Variants in TMEM43 observed in about 807,000 individuals in gnomAD.
TMEM43 encodes the protein transmembrane protein 43, also known as arrhythmogenic right ventricular dysplasia 5.
Under a neutral mutation model 49.6 loss-of-function variants are expected in TMEM43, and 45 were observed. That is an observed-to-expected ratio of 0.91 (90% confidence interval 0.71 to 1.16). The LOEUF is 1.16. Ranked by LOEUF, TMEM43 falls within the 50% of genes most tolerant of loss-of-function variation. The probability of loss-of-function intolerance (pLI) is 0.00; values close to 1 mark genes in which losing one functional copy is unlikely to be tolerated. For missense variants in TMEM43, 532 were observed against 516.6 expected, an observed-to-expected ratio of 1.03 and a Z score of -0.29; for synonymous variants, 199 against 207.8, an observed-to-expected ratio of 0.96 and a Z score of 0.36.
At chr3:14,133,195 G>C (rs980913166) in intron 6 of TMEM43, among the ~76,000 whole-genome samples, 4 of 152,230 alleles carry the variant, frequency 2.6e-5, no homozygotes, top group Admixed American at 2.0e-4. Flanking sequence ...CACACACGGG[G>C]CCGGGGAAGC....
At chr3:14,127,917 A>C (rs1328724892) in intron 1 of TMEM43, among the ~76,000 whole-genome samples, 1 of 152,142 alleles carries the variant, frequency 6.6e-6, no homozygotes, top group East Asian at 1.9e-4. Context: ...GCTGGGCCCC[A>C]CTTTACATCT....
chr3:14,138,194 C>T (rs957746996), intron 10 of TMEM43, among the ~76,000 whole-genome samples: 7 of 152,148 alleles, frequency 4.6e-5, no homozygotes, highest in African/African-American at 1.7e-4. Context: ...GGCATGACTG[C>T]AGGCAATCGT....
rs376098518 is a variant in TMEM43, at chr3:14,130,905, G to A, written c.246G>A (p.Pro82=). 2.9e-5 allele frequency: 47 copies of A among 1,613,404 alleles called. No homozygotes were observed. The highest frequency in any genetic ancestry group is 1.8e-4 in the Admixed American group (11 of 59,968). The part of the protein sequence containing the change: ...VSPDSIHSVA[P]ENEGRLVHII... ...CCGACAGCATCCACAGTGTGGCTCC[G>A]GAGAATGAAGGAAGGCTGGTGCACA... Residue 82 remains proline (P), a synonymous_variant, in exon 3 of 12, where the codon CCG becomes CCA. Transcript: ENST00000306077.
chr3:14,131,721 G>A (rs1258459416), intron 4 of TMEM43, 47 bp downstream of exon 4: 2 of 1,383,650 alleles, frequency 1.4e-6, no homozygotes, highest in Non-Finnish European at 2.1e-6. Flanking sequence ...GAGGAGTGAA[G>A]TGTAGGTGTC....
chr3:14,138,771 T>C (rs1200803292), intron 10 of TMEM43, among the ~76,000 whole-genome samples: 3 of 152,190 alleles, frequency 2.0e-5, no homozygotes, highest in African/African-American at 7.2e-5. Context: ...CGATGGAGCC[T>C]GAGAAGGAGG....
chr3:14,139,898 G>T (rs761244777), intron 11 of TMEM43, among the ~76,000 whole-genome samples: 20 of 152,196 alleles, frequency 1.3e-4, no homozygotes, highest in Non-Finnish European at 2.5e-4. Flanking sequence ...GGCCCAGCGT[G>T]GTTCGGGATC....
chr3:14,140,150 A>G (rs1695228576), intron 11 of TMEM43, among the ~76,000 whole-genome samples: 1 of 152,232 alleles, frequency 6.6e-6, no homozygotes, highest in Non-Finnish European at 1.5e-5. Context: ...TTGGGAAAAC[A>G]GGCCCGGGAA....
At chr3:14,131,100 C>G in intron 3 of TMEM43, 144 bp downstream of exon 3, 1 of 998,296 alleles carries the variant, frequency 1.0e-6, no homozygotes, top group Non-Finnish European at 1.5e-6. Context: ...GCTGTGTGGA[C>G]TTGTCTATCC....
At position 14,134,944 on chromosome 3, in the gene TMEM43, A is replaced by G. The variant is rs1695148219; in HGVS notation, c.705+53A>G. ...ATAGGAGGGTCAGGGCGCTAGGATC[A>G]GGTTCCTGCGCCAGGCAGATTCAGT... On this transcript the variant is annotated intron_variant, in intron 8 of 11. Coordinates refer to ENST00000306077, the MANE Select transcript of TMEM43 (RefSeq NM_024334.3). 3.1e-6 allele frequency: 5 copies of G among 1,612,074 alleles called. No individual in the cohort carries two copies. In the Admixed American group the frequency reaches 6.7e-5, roughly 22 times the overall value.
chr3:14,135,207 A>G lies in TMEM43; in HGVS notation c.755A>G (p.Asp252Gly). Residue 252 changes from aspartate (D) to glycine (G), a missense_variant, in exon 9 of 12, where the codon GAC becomes GGC. Physicochemically the swap from Asp to Gly is moderately conservative, Grantham distance 94. Transcript: ENST00000306077. ...SFSYAGLSGD[D>G]PDLGPAHVVT... ...TCCTATGCTGGACTGAGCGGCGATGACCCTGACCTGGGCCCAGCTCACGTG... is the reference window on the plus strand; with the variant it reads ...TCCTATGCTGGACTGAGCGGCGATGGCCCTGACCTGGGCCCAGCTCACGTG... 1 of 1,612,572 alleles carries G rather than the reference A, an allele frequency of 6.2e-7. No homozygotes were observed.
At chr3:14,129,389 T>C (rs769740836) in intron 1 of TMEM43, 23 bp from the exon 2 acceptor site, 8 of 1,598,744 alleles carry the variant, frequency 5.0e-6, no homozygotes, top group Non-Finnish European at 5.1e-6. Flanking sequence ...GTTTTCATTC[T>C]GTTACTGTTT....
intron 10 of TMEM43, among the ~76,000 whole-genome samples, chr3:14,136,863 T>C (rs763967113): frequency 1.3e-5 from 2 of 149,118 alleles, no homozygotes; most frequent in African/African-American, 5.0e-5. Flanking sequence ...ATGTGCTGAT[T>C]AGTTCAGTTC....
At chr3:14,141,546 T>G in intron 11 of TMEM43, 47 bp from the exon 12 acceptor site, 19 of 1,557,228 alleles carry the variant, frequency 1.2e-5, no homozygotes, top group Non-Finnish European at 1.6e-5. Flanking sequence ...GCTGAGCTGG[T>G]GAGGTGTAGA....
At position 14,141,664 on chromosome 3, in the gene TMEM43, T is replaced by C. The variant is rs1559363695; in HGVS notation, c.1072T>C (p.Ser358Pro). The change falls in exon 12 of 12, where the codon TCG (serine) becomes CCG (proline). Residue 358 changes from serine to proline, a missense_variant. Ser to Pro is a moderately conservative substitution (Grantham distance 74). Coordinates refer to ENST00000306077, the MANE Select transcript of TMEM43 (RefSeq NM_024334.3). ...LKAFAFCVAT[S>P]LTLLTVAAGW... Reference sequence around the variant, plus strand: ...AGCCTTTGCCTTCTGTGTGGCCACCTCGCTGACCCTGCTGACCGTGGCGGC... The same window carrying C: ...AGCCTTTGCCTTCTGTGTGGCCACCCCGCTGACCCTGCTGACCGTGGCGGC... 15 of 1,614,206 alleles carry C rather than the reference T, an allele frequency of 9.3e-6. No homozygotes were observed. The highest frequency in any genetic ancestry group is 1.2e-5 in the Non-Finnish European group (14 of 1,180,034).
intron 10 of TMEM43, among the ~76,000 whole-genome samples, chr3:14,136,770 C>T (rs1468828004): frequency 2.2e-5 from 3 of 136,930 alleles, no homozygotes; most frequent in Non-Finnish European, 4.4e-5. Flanking sequence ...GGGTTTTGGG[C>T]CTCAGCTACC....
intron 1 of TMEM43, chr3:14,128,815 G>GT (rs768269087): frequency 2.7e-6 from 1 of 375,590 alleles, no homozygotes; most frequent in Non-Finnish European, 5.3e-6. Context: ...CTGCATAAAG[G>GT]TTCATGTATG....
At position 14,139,124 on chromosome 3, in the gene TMEM43, G is replaced by A. The variant is rs145077037; in HGVS notation, c.883-56G>A. On this transcript the variant is annotated intron_variant, in intron 10 of 11. Coordinates refer to ENST00000306077, the MANE Select transcript of TMEM43 (RefSeq NM_024334.3). ...CAGCCCCCTCAGGACCTGCCCTGCCGACTGGGTACGCCACTGGCCCTCAGC... is the reference window on the plus strand; with the variant it reads ...CAGCCCCCTCAGGACCTGCCCTGCCAACTGGGTACGCCACTGGCCCTCAGC... 50 of 1,322,330 alleles carry A rather than the reference G, an allele frequency of 3.8e-5. 1 individual carries two copies. Among genetic ancestry groups the A allele is most frequent in the South Asian group, 1.8e-4 (15 of 85,012 alleles). The allele number at this position is 1,322,330 out of a possible 1,614,324, so 81.9% of individuals were successfully genotyped here. A position where few individuals can be genotyped will look rare whatever the true frequency, so the allele number is the denominator to read the frequency against.
rs371866082 is a variant in TMEM43 at position 14,132,857 on chromosome 3, C to T, written c.443-9C>T. 29 of 1,613,750 alleles carry T rather than the reference C, an allele frequency of 1.8e-5. No homozygotes were observed. The African/African-American group carries it at 3.2e-4, about 18-fold the overall frequency. On this transcript the variant is annotated splice_polypyrimidine_tract_variant and intron_variant, in intron 5 of 11. Coordinates refer to ENST00000306077, the MANE Select transcript of TMEM43 (RefSeq NM_024334.3). ...CCCGGGCTCTGAGTTGATTCCTCTC[C>T]CTGAGCAGACACTGAATGGAGGTCA...
intron 3 of TMEM43, 44 bp downstream of exon 3, chr3:14,131,000 C>T (rs1695088674): frequency 1.3e-6 from 2 of 1,587,412 alleles, no homozygotes; most frequent in Admixed American, 1.7e-5. Context: ...GCTCGGGGCT[C>T]ATCCTGGATG....
Sources: allele counts gnomAD v4.1 joint callset (sites outside exome capture counted in the v4.1 genomes callset), GRCh38; gene constraint gnomAD v4.1.1; transcripts MANE v1.5; gene names NCBI Gene and HGNC (gene_info 2026-07-23, HGNC 2026-07-21).